The following UFSP1 variants were observed in gnomAD, a reference collection of about 807,000 sequenced individuals.
UFSP1 encodes ufm1-specific protease 1.
For synonymous variants in UFSP1, 119 were observed against 77.6 expected (o/e 1.53, Z -2.81); for missense variants, 261 against 182.7 (o/e 1.43, Z -2.47).
rs774424224 is a variant in UFSP1 at position 100,889,104 on chromosome 7, C to A, written c.168G>T (p.Gly56=). 2.5e-6 allele frequency: 4 copies of A among 1,613,334 alleles called. No homozygotes were observed. Among genetic ancestry groups the A allele is most frequent in the African/African-American group, 2.7e-5 (2 of 74,948 alleles). ...CCCCAACCATGACTGGGCCCCCACC[C>A]CCTGCGAAGTGCGAGTAAAGCCTCT... The change falls in exon 1 of 1, where the codon GGG becomes GGT. Residue 56 remains glycine, a synonymous_variant. Transcript: ENST00000388761.
At position 100,889,088 on chromosome 7, in the gene UFSP1, T is replaced by C; in HGVS notation, c.184A>G (p.Met62Val). ...CTGGCATCTGCGTCCCCCCCAACCA[T>C]GACTGGGCCCCCACCCCCTGCGAAG... Residue 62 changes from methionine (M) to valine (V), a missense_variant, in exon 1 of 1, where the codon ATG becomes GTG. Met to Val is a conservative substitution (Grantham distance 21). Transcript: ENST00000388761. The C allele has an allele frequency of 6.2e-7, 1 of 1,612,536 alleles. No homozygotes were observed. Among genetic ancestry groups the C allele is most frequent in the Non-Finnish European group, 8.5e-7 (1 of 1,178,966 alleles).
Position 100,888,885 on chromosome 7 carries a change from C to T in UFSP1, c.387G>A (p.Leu129=). 2 of 1,613,836 alleles carry T rather than the reference C, an allele frequency of 1.2e-6. No individual in the cohort carries two copies. Among genetic ancestry groups the T allele is most frequent in the African/African-American group, 1.3e-5 (1 of 75,016 alleles). ...GCTGCTGTTGGGAGCTAAGGCTGGT[C>T]AAGCACAGGTTGTAGAAGGAGTTGG... Residue 129 remains leucine, a synonymous_variant, in exon 1 of 1, where the codon TTG becomes TTA. Coordinates refer to ENST00000388761, the MANE Select transcript of UFSP1 (RefSeq NM_001015072.4).
In UFSP1 at chr7:100,889,428, G is replaced by T; in HGVS notation, c.-157C>A. On this transcript the variant is annotated 5_prime_UTR_variant, in exon 1 of 1. Coordinates refer to ENST00000388761, the MANE Select transcript of UFSP1 (RefSeq NM_001015072.4). Reference sequence around the variant, plus strand: ...AGTGGTAGTAGAGGTAGTGGCCCGAGAGCAGCGCCAGGCGGACAGGGCCGC... The same window carrying T: ...AGTGGTAGTAGAGGTAGTGGCCCGATAGCAGCGCCAGGCGGACAGGGCCGC... 1.6e-6 allele frequency: 1 copy of T among 623,580 alleles called. No homozygotes were observed. The allele number at this position is 623,580 out of a possible 1,614,324, so 38.6% of individuals were successfully genotyped here. A position where few individuals can be genotyped will look rare whatever the true frequency, so the allele number is the denominator to read the frequency against.
In UFSP1 at chr7:100,889,181, G is replaced by A. The variant is rs1315531410; in HGVS notation, c.91C>T (p.Gln31Ter). The stretch of plus-strand genomic sequence containing the variant: ...CGGGGTACGTGGCAGAGGCGTCCCT[G>A]GGGCCCTCCGAAGTGAGCGAGGCAG... Residue 31 changes from glutamine to a stop codon, truncating the protein, a stop_gained, in exon 1 of 1, where the codon CAG becomes TAG. Coordinates refer to ENST00000388761, the MANE Select transcript of UFSP1 (RefSeq NM_001015072.4). LOFTEE classifies it low-confidence loss of function (END_TRUNC). 1.2e-6 allele frequency: 2 copies of A among 1,611,220 alleles called. No homozygotes were observed. Among genetic ancestry groups the A allele is most frequent in the Non-Finnish European group, 1.7e-6 (2 of 1,179,220 alleles).
At position 100,889,445 on chromosome 7, in the gene UFSP1, C is replaced by A. The variant is rs1790492812; in HGVS notation, c.-174G>T. 1.7e-6 allele frequency: 1 copy of A among 581,352 alleles called. No homozygotes were observed. The highest frequency in any genetic ancestry group is 2.9e-6 in the Non-Finnish European group (1 of 348,024). The allele number at this position is 581,352 out of a possible 1,614,324, so 36.0% of individuals were successfully genotyped here. A position where few individuals can be genotyped will look rare whatever the true frequency, so the allele number is the denominator to read the frequency against. On this transcript the variant is annotated 5_prime_UTR_variant, in exon 1 of 1. Transcript: ENST00000388761. Reference sequence around the variant, plus strand: ...TGGCCCGAGAGCAGCGCCAGGCGGACAGGGCCGCGGCTCGGCGGGGACAGG... The same window carrying A: ...TGGCCCGAGAGCAGCGCCAGGCGGAAAGGGCCGCGGCTCGGCGGGGACAGG...
chr7:100,889,059 G>A lies in UFSP1; in HGVS notation c.213C>T (p.Ser71=). The A allele has an allele frequency of 6.2e-7, 1 of 1,614,108 alleles. No homozygotes were observed. The highest frequency in any genetic ancestry group is 8.5e-7 in the Non-Finnish European group (1 of 1,180,016). ...CTACGCAGACTCCCAGCAAGGCCTT[G>A]GACCTGGCATCTGCGTCCCCCCCAA... The change falls in exon 1 of 1, where the codon TCC becomes TCT. Residue 71 remains serine (S), a synonymous_variant. Transcript: ENST00000388761.
Position 100,888,874 on chromosome 7 carries a change from C to T in UFSP1, c.398G>A (p.Ser133Asn), listed in dbSNP as rs1441557748. 1 of 1,613,344 alleles carries T rather than the reference C, an allele frequency of 6.2e-7. No homozygotes were observed. The change falls in exon 1 of 1, where the codon AGC (serine) becomes AAC (asparagine). Residue 133 changes from serine to asparagine, a missense_variant. Ser to Asn is a conservative substitution (Grantham distance 46, BLOSUM62 1). Transcript: ENST00000388761. Reference sequence around the variant, plus strand: ...CAAGGTGCGCTGCTGCTGTTGGGAGCTAAGGCTGGTCAAGCACAGGTTGTA... The same window carrying T: ...CAAGGTGCGCTGCTGCTGTTGGGAGTTAAGGCTGGTCAAGCACAGGTTGTA...
Position 100,889,249 on chromosome 7 carries a change from A to G in UFSP1, c.23T>C (p.Phe8Ser), listed in dbSNP as rs756627565. The G allele has an allele frequency of 2.6e-6, 4 of 1,546,678 alleles. No individual in the cohort carries two copies. The highest frequency in any genetic ancestry group is 2.0e-5 in the Admixed American group (1 of 50,820). The change falls in exon 1 of 1, where the codon TTC becomes TCC. Residue 8 changes from phenylalanine (F) to serine (S), a missense_variant. Transcript: ENST00000388761. ...GCCGATCCAGTCCCGGGAGCCCCGG[A>G]AGCCGGGGGGCTTGTCGCCCATGTC...
Position 100,888,887 on chromosome 7 carries a change from A to G in UFSP1, c.385T>C (p.Leu129=), listed in dbSNP as rs774926027. Residue 129 remains leucine, a synonymous_variant, in exon 1 of 1, where the codon TTG becomes CTG. Coordinates refer to ENST00000388761, the MANE Select transcript of UFSP1 (RefSeq NM_001015072.4). ...TGCTGTTGGGAGCTAAGGCTGGTCA[A>G]GCACAGGTTGTAGAAGGAGTTGGGG... The G allele has an allele frequency of 1.2e-6, 2 of 1,613,926 alleles. No individual in the cohort carries two copies. The highest frequency in any genetic ancestry group is 1.7e-6 in the Non-Finnish European group (2 of 1,179,966).
chr7:100,889,194 G>A lies in UFSP1; in HGVS notation c.78C>T (p.His26=), dbSNP rs369098327. ...AGAGGCGTCCCTGGGGCCCTCCGAAGTGAGCGAGGCAGAGGCTGGCCTCCA... is the reference window on the plus strand; with the variant it reads ...AGAGGCGTCCCTGGGGCCCTCCGAAATGAGCGAGGCAGAGGCTGGCCTCCA... The change falls in exon 1 of 1, where the codon CAC becomes CAT. Residue 26 remains histidine (H), a synonymous_variant. Coordinates refer to ENST00000388761, the MANE Select transcript of UFSP1 (RefSeq NM_001015072.4). 13 of 1,609,402 alleles carry A rather than the reference G, an allele frequency of 8.1e-6. No homozygotes were observed. The highest frequency in any genetic ancestry group is 1.7e-5 in the Admixed American group (1 of 59,752).
chr7:100,888,939 G>T lies in UFSP1; in HGVS notation c.333C>A (p.Gly111=), dbSNP rs775592203. 22 of 1,614,036 alleles carry T rather than the reference G, an allele frequency of 1.4e-5. No individual in the cohort carries two copies. Among genetic ancestry groups the T allele is most frequent in the African/African-American group, 5.3e-5 (4 of 74,910 alleles). The change falls in exon 1 of 1, where the codon GGC becomes GGA. Residue 111 remains glycine (G), a synonymous_variant. Coordinates refer to ENST00000388761, the MANE Select transcript of UFSP1 (RefSeq NM_001015072.4). ...CAAAGGCTGCACTCACCTCTTGCCA[G>T]CCCACCCACCCAGCAGCCTGTAGTT...
At position 100,889,401 on chromosome 7, in the gene UFSP1, G is replaced by A. The variant is rs560107719; in HGVS notation, c.-130C>T. 138 of 772,140 alleles carry A rather than the reference G, an allele frequency of 1.8e-4. No homozygotes were observed. In the South Asian group the frequency reaches 2.9e-3, roughly 16 times the overall value. The allele number at this position is 772,140 out of a possible 1,614,324, so 47.8% of individuals were successfully genotyped here. On this transcript the variant is annotated 5_prime_UTR_variant, in exon 1 of 1. Transcript: ENST00000388761. The stretch of plus-strand genomic sequence containing the variant: ...CGCGGTCGTCCAGGCCGTCGCAGCC[G>A]TAGTGGTAGTAGAGGTAGTGGCCCG...
In UFSP1 at chr7:100,889,216, T is replaced by G; in HGVS notation, c.56A>C (p.Glu19Ala). The G allele has an allele frequency of 6.3e-7, 1 of 1,593,182 alleles. No individual in the cohort carries two copies. Among genetic ancestry groups the G allele is most frequent in the Non-Finnish European group, 8.5e-7 (1 of 1,170,934 alleles). Residue 19 changes from glutamate to alanine, a missense_variant, in exon 1 of 1, where the codon GAG becomes GCG. By Grantham distance (107) the Glu-to-Ala change is moderately radical. Coordinates refer to ENST00000388761, the MANE Select transcript of UFSP1 (RefSeq NM_001015072.4). ...GAAGTGAGCGAGGCAGAGGCTGGCC[T>G]CCACGCAGCCGATCCAGTCCCGGGA...
In UFSP1 at chr7:100,888,824, C is replaced by G. The variant is rs200894711; in HGVS notation, c.*19G>C. The G allele has an allele frequency of 3.8e-5, 61 of 1,589,014 alleles. No individual in the cohort carries two copies. Among genetic ancestry groups the G allele is most frequent in the Non-Finnish European group, 4.8e-5 (56 of 1,165,412 alleles). The stretch of plus-strand genomic sequence containing the variant: ...GTGCGTGTCTGGGACCCGAGAATCT[C>G]AGTTCTGTAACTTCGTCCTCAGTCC... On this transcript the variant is annotated 3_prime_UTR_variant, in exon 1 of 1. Transcript: ENST00000388761.
Position 100,888,920 on chromosome 7 carries a change from C to G in UFSP1, c.352G>C (p.Ala118Pro). The change falls in exon 1 of 1, where the codon GCC (alanine) becomes CCC (proline). Residue 118 changes from alanine to proline, a missense_variant. Ala to Pro is a conservative substitution (Grantham distance 27). Coordinates refer to ENST00000388761, the MANE Select transcript of UFSP1 (RefSeq NM_001015072.4). ...TTGTAGAAGGAGTTGGGGTCAAAGG[C>G]TGCACTCACCTCTTGCCAGCCCACC... 4 of 1,614,146 alleles carry G rather than the reference C, an allele frequency of 2.5e-6. No individual in the cohort carries two copies. Among genetic ancestry groups the G allele is most frequent in the Non-Finnish European group, 3.4e-6 (4 of 1,180,024 alleles).
In UFSP1 at chr7:100,889,277, C is replaced by A; in HGVS notation, c.-6G>T. The stretch of plus-strand genomic sequence containing the variant: ...CCGGGGGGCTTGTCGCCCATGTCCT[C>A]CAGGGCCGCCTGTACGGCGGCCAGT... On this transcript the variant is annotated 5_prime_UTR_variant, in exon 1 of 1. Transcript: ENST00000388761. 6.6e-7 allele frequency: 1 copy of A among 1,506,688 alleles called. No individual in the cohort carries two copies. Among genetic ancestry groups the A allele is most frequent in the Non-Finnish European group, 8.8e-7 (1 of 1,135,372 alleles). The allele number at this position is 1,506,688 out of a possible 1,614,324, so 93.3% of individuals were successfully genotyped here.
chr7:100,889,500 G>A lies in UFSP1; in HGVS notation c.-229C>T. 1 of 467,904 alleles carries A rather than the reference G, an allele frequency of 2.1e-6. No individual in the cohort carries two copies. Among genetic ancestry groups the A allele is most frequent in the Non-Finnish European group, 3.8e-6 (1 of 264,902 alleles). 29.0% of individuals were successfully genotyped at this position (467,904 alleles called of 1,614,324 possible). On this transcript the variant is annotated 5_prime_UTR_variant, in exon 1 of 1. Transcript: ENST00000388761. Reference sequence around the variant, plus strand: ...CGTGGACGTCCCTCAGCGGCTCCAGGGCGGTGGGCGGGAGCGGAGGTCCCA... The same window carrying A: ...CGTGGACGTCCCTCAGCGGCTCCAGAGCGGTGGGCGGGAGCGGAGGTCCCA...
rs1401624514 is a variant in UFSP1 at position 100,889,119 on chromosome 7, G to A, written c.153C>T (p.Tyr51=). 6.2e-7 allele frequency: 1 copy of A among 1,613,304 alleles called. No homozygotes were observed. Among genetic ancestry groups the A allele is most frequent in the Non-Finnish European group, 8.5e-7 (1 of 1,179,826 alleles). Residue 51 remains tyrosine (Y), a synonymous_variant, in exon 1 of 1, where the codon TAC becomes TAT. Transcript: ENST00000388761. ...GGCCCCCACCCCCTGCGAAGTGCGA[G>A]TAAAGCCTCTCCAGCTCCCCGTGCA...
rs754520614 is a variant in UFSP1, at chr7:100,889,050, C to T, written c.222G>A (p.Leu74=). The T allele has an allele frequency of 9.3e-6, 15 of 1,614,064 alleles. No individual in the cohort carries two copies. In the African/African-American group the frequency reaches 2.0e-4, roughly 22 times the overall value. ...TGCCTGACCCTACGCAGACTCCCAGCAAGGCCTTGGACCTGGCATCTGCGT... is the reference window on the plus strand; with the variant it reads ...TGCCTGACCCTACGCAGACTCCCAGTAAGGCCTTGGACCTGGCATCTGCGT... The change falls in exon 1 of 1, where the codon TTG becomes TTA. Residue 74 remains leucine (L), a synonymous_variant. Coordinates refer to ENST00000388761, the MANE Select transcript of UFSP1 (RefSeq NM_001015072.4).
Sources: allele counts gnomAD v4.1 joint callset, GRCh38; gene constraint gnomAD v4.1.1; transcripts MANE v1.5; gene names NCBI Gene and HGNC (gene_info 2026-07-23, HGNC 2026-07-21).